The following NRXN1 variants were observed in gnomAD, a reference collection of about 807,000 sequenced individuals.
NRXN1 encodes neurexin 1.
Under a neutral mutation model 150.9 loss-of-function variants are expected in NRXN1, and 39 were observed. The observed-to-expected ratio is 0.26, with a 90% confidence interval of 0.20 to 0.34. NRXN1 has a LOEUF of 0.34. Among genes scored for constraint, NRXN1 ranks in the 10% least tolerant of loss-of-function variants. The pLI is 1.00. For missense variants in NRXN1, 1,815 were observed against 1,949.9 expected (o/e 0.93, Z 1.30); for synonymous variants, 924 against 757.0 (o/e 1.22, Z -3.62).
At chr2:50,433,530 C>G (rs2085156312) in intron 17 of NRXN1, among the ~76,000 whole-genome samples, 1 of 150,326 alleles carries the variant, frequency 6.7e-6, no homozygotes, top group African/African-American at 2.5e-5. Flanking sequence ...TTACAGTTGT[C>G]TAACATTGAT....
intron 8 of NRXN1, among the ~76,000 whole-genome samples, chr2:50,574,822 AC>A (rs1355190050): frequency 1.3e-5 from 2 of 152,212 alleles, no homozygotes; most frequent in African/African-American, 2.4e-5. Context: ...ATTGTGCGGC[AC>A]CCTTGCCTTG....
intron 8 of NRXN1, among the ~76,000 whole-genome samples, chr2:50,610,075 T>C (rs1677777921): frequency 1.3e-5 from 2 of 152,152 alleles, no homozygotes; most frequent in South Asian, 4.1e-4. Context: ...CCAATTAACA[T>C]GCACAGAAAT....
At chr2:50,799,367 C>G (rs948808361) in intron 5 of NRXN1, among the ~76,000 whole-genome samples, 2 of 152,106 alleles carry the variant, frequency 1.3e-5, no homozygotes, top group East Asian at 3.9e-4. Context: ...GCAGAAGAAA[C>G]ACCTGCATTT....
chr2:50,591,008 A>G (rs1674093980), intron 8 of NRXN1, among the ~76,000 whole-genome samples: 2 of 152,150 alleles, frequency 1.3e-5, no homozygotes, highest in South Asian at 4.1e-4. Context: ...TCTGTCTTTT[A>G]TTAAGTGTTT....
chr2:50,781,705 A>G (rs927317064), intron 5 of NRXN1, among the ~76,000 whole-genome samples: 1 of 152,252 alleles, frequency 6.6e-6, no homozygotes, highest in Non-Finnish European at 1.5e-5. Context: ...GAATCTTTAA[A>G]TATCAAGTTA....
At chr2:50,798,072 GA>G (rs1284777543) in intron 5 of NRXN1, among the ~76,000 whole-genome samples, 7 of 152,140 alleles carry the variant, frequency 4.6e-5, no homozygotes, top group Admixed American at 4.6e-4. Context: ...TTTACCAGGA[GA>G]AGGAAAGAGA....
chr2:50,441,980 G>T (rs1345718382), intron 17 of NRXN1, among the ~76,000 whole-genome samples: 2 of 152,170 alleles, frequency 1.3e-5, no homozygotes, highest in Non-Finnish European at 2.9e-5. Context: ...AGTTGGATCA[G>T]CATCCACTGG....
intron 17 of NRXN1, among the ~76,000 whole-genome samples, chr2:50,329,356 G>GT (rs1014362454): frequency 1.0e-4 from 15 of 149,618 alleles, no homozygotes; most frequent in Non-Finnish European, 7.4e-5. Flanking sequence ...AACGATGAGG[G>GT]TTTTTTTTTC....
chr2:50,546,367 G>T (rs550044712), intron 9 of NRXN1, among the ~76,000 whole-genome samples: 1 of 152,066 alleles, frequency 6.6e-6, no homozygotes, highest in African/African-American at 2.4e-5. Flanking sequence ...CTTTAGATAT[G>T]TTAATACATT....
chr2:50,519,148 C>A (rs185605037), intron 12 of NRXN1, among the ~76,000 whole-genome samples: 4 of 151,936 alleles, frequency 2.6e-5, no homozygotes, highest in East Asian at 3.9e-4. Context: ...AGGCTATGGA[C>A]AAACTGTACA....
At chr2:50,459,374 G>A (rs917815668) in intron 17 of NRXN1, among the ~76,000 whole-genome samples, 1 of 152,024 alleles carries the variant, frequency 6.6e-6, no homozygotes, top group African/African-American at 2.4e-5. Context: ...GTAAACTTGT[G>A]TCACATGGGT....
At position 50,053,395 on chromosome 2, in the gene NRXN1, G is replaced by A. The variant is rs200672080; in HGVS notation, c.4004C>T (p.Thr1335Ile). 6.8e-5 allele frequency: 110 copies of A among 1,613,880 alleles called. No individual in the cohort carries two copies. Among genetic ancestry groups the A allele is most frequent in the Non-Finnish European group, 8.5e-6 (10 of 1,179,936 alleles). The stretch of plus-strand genomic sequence containing the variant: ...CATGGCAGTGGCTGTTGACTCAGTT[G>A]TCATAGAGGAAGGCACTTCACCAAC... ...RLVGEVPSSM[T>I]TESTATAMQS... The change falls in exon 21 of 23, where the codon ACA becomes ATA. Residue 1335 changes from threonine to isoleucine, a missense_variant. Transcript: ENST00000401669.
At chr2:50,807,959 A>C (rs889477421) in intron 5 of NRXN1, among the ~76,000 whole-genome samples, 1 of 152,112 alleles carries the variant, frequency 6.6e-6, no homozygotes, top group African/African-American at 2.4e-5. Context: ...AATGTCATCA[A>C]ATTTAAATAT....
chr2:50,014,843 A>G (rs565433574), intron 21 of NRXN1, among the ~76,000 whole-genome samples: 2 of 152,168 alleles, frequency 1.3e-5, no homozygotes, highest in African/African-American at 4.8e-5. Flanking sequence ...ACAAAAAAAG[A>G]AATAGCCCAG....
intron 21 of NRXN1, among the ~76,000 whole-genome samples, chr2:49,948,784 C>T (rs1188313277): frequency 6.6e-6 from 1 of 151,936 alleles, no homozygotes; most frequent in South Asian, 2.1e-4. Context: ...CTTTAGTATA[C>T]TTTTCCCTGA....
At chr2:50,971,538 G>A (rs1157847900) in intron 2 of NRXN1, among the ~76,000 whole-genome samples, 12 of 151,980 alleles carry the variant, frequency 7.9e-5, no homozygotes, top group Non-Finnish European at 1.3e-4. Context: ...AGCCGAGATT[G>A]TGTCATTGCA....
At chr2:50,210,320 T>A (rs1455654215) in intron 18 of NRXN1, among the ~76,000 whole-genome samples, 4 of 151,944 alleles carry the variant, frequency 2.6e-5, no homozygotes, top group Non-Finnish European at 5.9e-5. Context: ...TTCAGCTTCC[T>A]AATTAGAATA....
At chr2:50,419,129 T>C (rs547234282) in intron 17 of NRXN1, among the ~76,000 whole-genome samples, 3 of 152,188 alleles carry the variant, frequency 2.0e-5, no homozygotes, top group South Asian at 4.1e-4. Flanking sequence ...TTAAATCAGA[T>C]GTTCCCATTT....
rs535191465 is a variant in NRXN1, at chr2:50,451,644, G to A, written c.3364+13798C>T. On this transcript the variant is annotated intron_variant, in intron 17 of 22. Transcript: ENST00000401669. The stretch of plus-strand genomic sequence containing the variant: ...ACATTTTAAAACATTTGAAAGAGAA[G>A]AATGCAGATAACTCTTCTCAACTTA... Among the ~76,000 whole-genome samples the A allele has an allele frequency of 2.0e-5, 3 of 152,278 alleles. No individual in the cohort carries two copies. In the South Asian group the frequency reaches 6.2e-4, roughly 32 times the overall value.
Sources: allele counts gnomAD v4.1 joint callset (sites outside exome capture counted in the v4.1 genomes callset), GRCh38; gene constraint gnomAD v4.1.1; transcripts MANE v1.5; gene names NCBI Gene and HGNC (gene_info 2026-07-23, HGNC 2026-07-21).